ZNF592: variants seen among roughly 807,000 people sequenced by gnomAD.
ZNF592 encodes zinc finger protein 592.
In ZNF592, 11 loss-of-function variants were observed where a neutral mutation model predicts 80.3. That is an observed-to-expected ratio of 0.14 (90% confidence interval 0.09 to 0.23). The LOEUF is 0.23. ZNF592 is among the 10% of genes least tolerant of loss of function. The probability of loss-of-function intolerance (pLI) is 1.00; values close to 1 mark genes in which losing one functional copy is unlikely to be tolerated. For synonymous variants in ZNF592, 646 were observed against 640.3 expected (o/e 1.01, Z -0.13); for missense variants, 1,420 against 1,633.9 (o/e 0.87, Z 2.26).
intron 1 of ZNF592, among the ~76,000 whole-genome samples, chr15:84,756,645 C>G (rs1899178974): frequency 6.6e-6 from 1 of 152,190 alleles, no homozygotes; most frequent in Non-Finnish European, 1.5e-5. Context: ...TTATCCTCCC[C>G]AGACTTGAAC....
rs749011102 is a variant in ZNF592 at position 84,783,582 on chromosome 15, G to C, written c.907G>C (p.Asp303His). 2.6e-5 allele frequency: 42 copies of C among 1,614,090 alleles called. No homozygotes were observed. The South Asian group carries it at 4.3e-4, about 16-fold the overall frequency. The part of the protein sequence containing the change: ...AKRVASVTKE[D>H]QPGHTKDLSG... ...AAGAGTGGCTAGTGTCACTAAGGAG[G>C]ATCAGCCTGGCCACACAAAGGATCT... Residue 303 changes from aspartate to histidine, a missense_variant, in exon 4 of 11, where the codon GAT becomes CAT. Asp to His is a moderately conservative substitution (Grantham distance 81). Around this residue, in one of 7 missense-constraint regions of ZNF592, gnomAD observed 373 missense variants for 355.5 expected, o/e 1.05. Transcript: ENST00000560079. This position sits in a 1 kb window ranked among gnomAD's most constrained non-coding sequence, Gnocchi z 5.0.
intron 2 of ZNF592, among the ~76,000 whole-genome samples, chr15:84,771,640 A>C (rs572481705): frequency 6.6e-6 from 1 of 152,184 alleles, no homozygotes; most frequent in Non-Finnish European, 1.5e-5. Context: ...AAGTGGAGGA[A>C]AGACAAGTAA....
intron 1 of ZNF592, among the ~76,000 whole-genome samples, chr15:84,756,870 G>T (rs1476170469): frequency 2.0e-5 from 3 of 151,912 alleles, no homozygotes; most frequent in Non-Finnish European, 4.4e-5. Flanking sequence ...CCAGTACTTT[G>T]GGAGGCCGAG....
chr15:84,787,850 T>G (rs1187848960), intron 4 of ZNF592, among the ~76,000 whole-genome samples: 2 of 152,214 alleles, frequency 1.3e-5, no homozygotes, highest in Non-Finnish European at 2.9e-5. Flanking sequence ...TTGTTTATGT[T>G]TCATAAATAT....
At chr15:84,761,731 C>T (rs1899356350) in intron 1 of ZNF592, among the ~76,000 whole-genome samples, 1 of 152,188 alleles carries the variant, frequency 6.6e-6, no homozygotes, top group South Asian at 2.1e-4. Context: ...GCTGAAAACT[C>T]TTCCTGTCTG....
At chr15:84,752,166 C>T (rs1237430888) in intron 1 of ZNF592, among the ~76,000 whole-genome samples, 6 of 152,134 alleles carry the variant, frequency 3.9e-5, no homozygotes, top group African/African-American at 9.7e-5. Flanking sequence ...TCTTGAATTT[C>T]GTGTGACTTT....
intron 10 of ZNF592, 55 bp from the exon 11 acceptor site, chr15:84,801,808 G>C: frequency 1.7e-5 from 27 of 1,613,792 alleles, no homozygotes; most frequent in Middle Eastern, 3.3e-4. Context: ...GTTATGTCTA[G>C]GGGCTCATGT....
intron 1 of ZNF592, among the ~76,000 whole-genome samples, chr15:84,759,084 A>T (rs773854182): frequency 2.2e-4 from 33 of 152,294 alleles, no homozygotes; most frequent in African/African-American, 3.1e-4. Flanking sequence ...GATTTTAAAT[A>T]TAAGTAAACA....
At chr15:84,767,267 C>T (rs947760729) in intron 2 of ZNF592, among the ~76,000 whole-genome samples, 1 of 152,194 alleles carries the variant, frequency 6.6e-6, no homozygotes, top group African/African-American at 2.4e-5. Flanking sequence ...CTCAGGCGAT[C>T]CGCCCGCCTC....
chr15:84,802,377 T>A lies in ZNF592; in HGVS notation c.3788T>A (p.Leu1263Gln), dbSNP rs755458883. 1.9e-6 allele frequency: 3 copies of A among 1,613,606 alleles called. No individual in the cohort carries two copies. Among genetic ancestry groups the A allele is most frequent in the Non-Finnish European group, 1.7e-6 (2 of 1,180,012 alleles). The change falls in exon 11 of 11, where the codon CTG (leucine) becomes CAG (glutamine). Residue 1263 changes from leucine (L) to glutamine (Q), a missense_variant. Transcript: ENST00000560079. ...QASQDQDSHTLSPQV is the reference protein window; with the variant it reads ...QASQDQDSHTQSPQV ...TCTCAGGACCAGGACAGCCACACAC[T>A]GTCCCCTCAGGTGTGACCGGAGACT...
At chr15:84,770,225 A>G (rs1899659851) in intron 2 of ZNF592, among the ~76,000 whole-genome samples, 1 of 152,186 alleles carries the variant, frequency 6.6e-6, no homozygotes, top group African/African-American at 2.4e-5. Context: ...TGTAGGAGGA[A>G]ATCAAGAGCT....
chr15:84,782,967 T>C lies in ZNF592; in HGVS notation c.292T>C (p.Ser98Pro). Residue 98 changes from serine to proline, a missense_variant, in exon 4 of 11, where the codon TCA (serine) becomes CCA (proline). Ser to Pro is a moderately conservative substitution (Grantham distance 74, BLOSUM62 -1). Around this residue, in one of 7 missense-constraint regions of ZNF592, gnomAD observed 373 missense variants for 355.5 expected, o/e 1.05. Transcript: ENST00000560079. ...TCTCCTACACAATGGATTCCGGGGC[T>C]CAGATCTGCCTCCAGATCCCCACAA... Reference protein sequence around the residue: ...PSLLHNGFRGSDLPPDPHNCG... With the variant: ...PSLLHNGFRGPDLPPDPHNCG... 6.2e-7 allele frequency: 1 copy of C among 1,614,154 alleles called. No homozygotes were observed. The highest frequency in any genetic ancestry group is 8.5e-7 in the Non-Finnish European group (1 of 1,180,026).
intron 2 of ZNF592, among the ~76,000 whole-genome samples, chr15:84,776,595 G>A (rs774439368): frequency 3.9e-5 from 6 of 152,020 alleles, no homozygotes; most frequent in Non-Finnish European, 8.8e-5. Context: ...ATCTCTATTA[G>A]AGATACAAAA....
chr15:84,752,164 T>G (rs1899033082), intron 1 of ZNF592, among the ~76,000 whole-genome samples: 1 of 152,222 alleles, frequency 6.6e-6, no homozygotes, highest in South Asian at 2.1e-4. Context: ...TTTCTTGAAT[T>G]TCGTGTGACT....
intron 2 of ZNF592, among the ~76,000 whole-genome samples, chr15:84,775,150 C>G (rs1215341756): frequency 2.0e-5 from 3 of 151,816 alleles, no homozygotes; most frequent in Non-Finnish European, 4.4e-5. Flanking sequence ...GGCTGGAGTA[C>G]AGTGGTGCAA....
At position 84,784,544 on chromosome 15, in the gene ZNF592, G is replaced by A. The variant is rs767132665; in HGVS notation, c.1869G>A (p.Thr623=). Residue 623 remains threonine (T), a synonymous_variant, in exon 4 of 11, where the codon ACG becomes ACA. Transcript: ENST00000560079. This position sits in a 1 kb window ranked among gnomAD's most constrained non-coding sequence, Gnocchi z 5.8. ...IEVLCTLCSK[T]LLFFNKCSLL... ...TACTGTGCACACTGTGCTCCAAGACGCTGCTCTTCTTCAACAAGTGCAGCC... is the reference window on the plus strand; with the variant it reads ...TACTGTGCACACTGTGCTCCAAGACACTGCTCTTCTTCAACAAGTGCAGCC... 2.3e-5 allele frequency: 37 copies of A among 1,614,052 alleles called. No individual in the cohort carries two copies. In the South Asian group the frequency reaches 3.7e-4, roughly 16 times the overall value.
intron 2 of ZNF592, among the ~76,000 whole-genome samples, chr15:84,776,129 CAG>C (rs1962246147): frequency 6.6e-6 from 1 of 152,222 alleles, no homozygotes; most frequent in African/African-American, 2.4e-5. Context: ...CTAGATCACT[CAG>C]TGAGCTTACC....
intron 5 of ZNF592, among the ~76,000 whole-genome samples, chr15:84,795,940 G>T (rs1353666264): frequency 6.6e-6 from 1 of 151,882 alleles, no homozygotes; most frequent in Admixed American, 6.6e-5. Context: ...GGATTTATGT[G>T]GGCCGTGAAA....
Position 84,784,831 on chromosome 15 carries a change from A to G in ZNF592, c.2156A>G (p.Gln719Arg). 6.2e-7 allele frequency: 1 copy of G among 1,614,100 alleles called. No homozygotes were observed. The highest frequency in any genetic ancestry group is 1.1e-5 in the South Asian group (1 of 91,078). The change falls in exon 4 of 11, where the codon CAG becomes CGG. Residue 719 changes from glutamine to arginine, a missense_variant. Coordinates refer to ENST00000560079, the MANE Select transcript of ZNF592 (RefSeq NM_014630.3). The surrounding 1 kb of genome is among the most constrained non-coding windows in gnomAD (Gnocchi z 5.8). ...YSIKCLECHK[Q>R]MRDYMVLAAH... ...ATCAAGTGTCTTGAATGTCACAAGC[A>G]GATGCGGGACTACATGGTCCTGGCT...
Sources: allele counts gnomAD v4.1 joint callset (sites outside exome capture counted in the v4.1 genomes callset), GRCh38; gene constraint gnomAD v4.1.1; regional missense constraint gnomAD v4.1.1; non-coding constraint Gnocchi (gnomAD v3.1); transcripts MANE v1.5; gene names NCBI Gene and HGNC (gene_info 2026-07-23, HGNC 2026-07-21).